PSMD7: variants seen among roughly 807,000 people sequenced by gnomAD.
The protein encoded by PSMD7 is 26S proteasome non-ATPase regulatory subunit 7.
PSMD7 carries 13 observed loss-of-function variants against 36.4 expected under a neutral mutation model. The ratio of observed to expected loss-of-function variants is 0.36; its 90% confidence interval spans 0.23 to 0.57. The LOEUF is 0.57. Among genes scored for constraint, PSMD7 ranks in the 20% least tolerant of loss-of-function variants. The probability of loss-of-function intolerance (pLI) is 0.83; values close to 1 mark genes in which losing one functional copy is unlikely to be tolerated. For synonymous variants in PSMD7, 186 were observed against 151.0 expected (o/e 1.23, Z -1.70); for missense variants, 298 against 393.6 (o/e 0.76, Z 2.06).
intron 5 of PSMD7, among the ~76,000 whole-genome samples, chr16:74,302,932 C>G (rs1404238303): frequency 1.3e-5 from 2 of 152,328 alleles, no homozygotes; most frequent in Non-Finnish European, 1.5e-5. Context: ...GGGCTTTTCT[C>G]TTTGCCTGGC....
At chr16:74,300,067 T>C in intron 1 of PSMD7, 48 bp from the exon 2 acceptor site, 2 of 1,500,446 alleles carry the variant, frequency 1.3e-6, no homozygotes, top group East Asian at 4.5e-5. Context: ...GTTGGGTTCA[T>C]GTTTCTGTGC....
chr16:74,296,979 A>G lies in PSMD7; in HGVS notation c.65A>G (p.His22Arg). 5.6e-6 allele frequency: 9 copies of G among 1,612,438 alleles called. No individual in the cohort carries two copies. Among genetic ancestry groups the G allele is most frequent in the Non-Finnish European group, 6.8e-6 (8 of 1,179,578 alleles). Residue 22 changes from histidine (H) to arginine (R), a missense_variant, in exon 1 of 7, where the codon CAT becomes CGT. By Grantham distance (29) the His-to-Arg change is conservative. Transcript: ENST00000219313. ...CTGGTGCTGCTCAGTGTGGTGGATC[A>G]TTTCAACCGGTGAGCGAGCGCCCTA... ...HPLVLLSVVD[H>R]FNRIGKVGNQ... is the part of the protein sequence containing the mutation.
chr16:74,297,706 C>G (rs1181519701), intron 1 of PSMD7, among the ~76,000 whole-genome samples: 1 of 151,538 alleles, frequency 6.6e-6, no homozygotes, highest in African/African-American at 2.4e-5. Flanking sequence ...CTCGTTTAAC[C>G]AAGTTGATTT....
chr16:74,298,766 C>G (rs1336641260), intron 1 of PSMD7, among the ~76,000 whole-genome samples: 1 of 151,940 alleles, frequency 6.6e-6, no homozygotes, highest in Non-Finnish European at 1.5e-5. Context: ...CTCAGCTACT[C>G]GGGAGGCTGA....
chr16:74,303,773 G>A (rs1422892636), intron 5 of PSMD7, among the ~76,000 whole-genome samples: 1 of 151,620 alleles, frequency 6.6e-6, no homozygotes, highest in Non-Finnish European at 1.5e-5. Flanking sequence ...TCAGGTTGGA[G>A]TGCAGTGGCG....
At chr16:74,300,070 T>G in intron 1 of PSMD7, 45 bp from the exon 2 acceptor site, 1 of 1,517,042 alleles carries the variant, frequency 6.6e-7, no homozygotes, top group Non-Finnish European at 9.2e-7. Flanking sequence ...GGGTTCATGT[T>G]TCTGTGCGAG....
chr16:74,303,393 C>T (rs116200441), intron 5 of PSMD7, among the ~76,000 whole-genome samples: 2,296 of 152,252 alleles, frequency 0.015, 55 homozygotes, highest in African/African-American at 0.053. Flanking sequence ...GGCTGTGGAG[C>T]CTGTACTCTT....
rs985420326 is a variant in PSMD7, at chr16:74,302,263, G to T, written c.409G>T (p.Ala137Ser). The T allele has an allele frequency of 6.2e-7, 1 of 1,613,998 alleles. No homozygotes were observed. Among genetic ancestry groups the T allele is most frequent in the African/African-American group, 1.3e-5 (1 of 74,904 alleles). The change falls in exon 5 of 7, where the codon GCG becomes TCG. Residue 137 changes from alanine to serine, a missense_variant. By Grantham distance (99) the Ala-to-Ser change is moderately conservative. Coordinates refer to ENST00000219313, the MANE Select transcript of PSMD7 (RefSeq NM_002811.5). ...KPKDLGLPTE[A>S]YISVEEVHDD... ...GAAGGACCTAGGGCTGCCTACAGAA[G>T]CGTACATTTCAGTGGAAGAAGTCCA...
rs760874526 is a variant in PSMD7, at chr16:74,305,755, T to A, written c.*22T>A. On this transcript the variant is annotated 3_prime_UTR_variant, in exon 7 of 7. Coordinates refer to ENST00000219313, the MANE Select transcript of PSMD7 (RefSeq NM_002811.5). ...GTAAAACATGTATTAAATAGCTTTT[T>A]TAATTTGTAAATTAAAATCTTACAA... The A allele has an allele frequency of 2.9e-5, 41 of 1,410,704 alleles. No homozygotes were observed. The African/African-American group carries it at 5.5e-4, about 19-fold the overall frequency. The allele number at this position is 1,410,704 out of a possible 1,614,324, so 87.4% of individuals were successfully genotyped here.
chr16:74,305,863 C>T lies in PSMD7; in HGVS notation c.*130C>T, dbSNP rs899680705. The T allele has an allele frequency of 8.2e-5, 89 of 1,085,138 alleles. 1 individual carries two copies. In the East Asian group the frequency reaches 2.2e-3, roughly 27 times the overall value. The allele number at this position is 1,085,138 out of a possible 1,614,324, so 67.2% of individuals were successfully genotyped here. ...TGACCCAACAAGAGCTCTCTGCCTC[C>T]GGTCACTCTTGCTGTGGTGCTACGT... is the stretch of plus-strand genomic sequence containing the variant. On this transcript the variant is annotated 3_prime_UTR_variant, in exon 7 of 7. Transcript: ENST00000219313.
At chr16:74,301,923 T>A (rs1040511173) in intron 4 of PSMD7, among the ~76,000 whole-genome samples, 1 of 152,162 alleles carries the variant, frequency 6.6e-6, no homozygotes, top group African/African-American at 2.4e-5. Flanking sequence ...AGGTTCAGAA[T>A]GGTTAGGAAG....
At chr16:74,300,444 T>A in intron 2 of PSMD7, 4 of 530,412 alleles carry the variant, frequency 7.5e-6, no homozygotes, top group African/African-American at 3.8e-5. Flanking sequence ...CAAGAGCTGC[T>A]ATAGACAACA....
intron 3 of PSMD7, among the ~76,000 whole-genome samples, chr16:74,301,351 G>GAAATA (rs2034153601): frequency 1.3e-5 from 2 of 152,146 alleles, no homozygotes; most frequent in South Asian, 4.1e-4. Context: ...GGTACAAGGG[G>GAAATA]AAATAACCTC....
chr16:74,297,005 T>G lies in PSMD7; in HGVS notation c.74+17T>G. 2 of 1,607,932 alleles carry G rather than the reference T, an allele frequency of 1.2e-6. No homozygotes were observed. The highest frequency in any genetic ancestry group is 1.7e-6 in the Non-Finnish European group (2 of 1,178,026). ...TTTCAACCGGTGAGCGAGCGCCCTATAGCTGGGCCGGCGGCGCAGCCGCTG... is the reference window on the plus strand; with the variant it reads ...TTTCAACCGGTGAGCGAGCGCCCTAGAGCTGGGCCGGCGGCGCAGCCGCTG... On this transcript the variant is annotated intron_variant, in intron 1 of 6. Coordinates refer to ENST00000219313, the MANE Select transcript of PSMD7 (RefSeq NM_002811.5).
Position 74,305,936 on chromosome 16 carries a change from CTG to C in PSMD7, c.*206_*207del. On this transcript the variant is annotated 3_prime_UTR_variant, in exon 7 of 7. Transcript: ENST00000219313. ...CAAATCTGAACTGCAGCTTTCGCTG[CTG>C]TGAGTTGGGGATATGATAGTCAGCT... 2.2e-6 allele frequency: 1 copy of C among 452,424 alleles called. No homozygotes were observed. Among genetic ancestry groups the C allele is most frequent in the Non-Finnish European group, 3.6e-6 (1 of 278,122 alleles). The allele number at this position is 452,424 out of a possible 1,614,324, so 28.0% of individuals were successfully genotyped here.
At chr16:74,301,885 T>C (rs2034157862) in intron 4 of PSMD7, among the ~76,000 whole-genome samples, 1 of 152,190 alleles carries the variant, frequency 6.6e-6, no homozygotes. Flanking sequence ...TCGGTAACTG[T>C]ATATCCTCTT....
At chr16:74,302,931 T>C (rs2034166634) in intron 5 of PSMD7, among the ~76,000 whole-genome samples, 1 of 152,262 alleles carries the variant, frequency 6.6e-6, no homozygotes, top group Non-Finnish European at 1.5e-5. Context: ...GGGGCTTTTC[T>C]CTTTGCCTGG....
chr16:74,302,559 G>A (rs2142564503), intron 5 of PSMD7, among the ~76,000 whole-genome samples: 1 of 152,150 alleles, frequency 6.6e-6, no homozygotes, highest in East Asian at 1.9e-4. Flanking sequence ...GACCAGCCTG[G>A]GCAACATAGC....
chr16:74,299,521 G>C (rs1358836768), intron 1 of PSMD7: 1 of 453,778 alleles, frequency 2.2e-6, no homozygotes, highest in Non-Finnish European at 4.4e-6. Flanking sequence ...AAGTAGCTGA[G>C]ACTACAGGCA....
Sources: gnomAD v4.1 joint callset for allele counts (sites outside exome capture counted in the v4.1 genomes callset) on GRCh38, gnomAD v4.1.1 for gene constraint, MANE v1.5 for transcripts, NCBI Gene and HGNC (gene_info 2026-07-23, HGNC 2026-07-21) for gene names.